PACS1: variants seen among roughly 807,000 people sequenced by gnomAD.
PACS1 encodes PACS-1.
A neutral mutation model predicts 115.0 loss-of-function variants in PACS1; 24 were observed. The observed-to-expected ratio is 0.21, with a 90% CI of 0.15 to 0.29. PACS1 has a LOEUF of 0.29. Ranked by LOEUF, PACS1 falls within the 10% of genes least tolerant of loss-of-function variation. The pLI is 1.00. For synonymous variants in PACS1, 453 were observed against 504.5 expected (o/e 0.90, Z 1.37); for missense variants, 838 against 1,251.2 (o/e 0.67, Z 4.98).
At chr11:66,085,447 G>A (rs370354169) in intron 1 of PACS1, among the ~76,000 whole-genome samples, 19 of 152,182 alleles carry the variant, frequency 1.2e-4, no homozygotes, top group African/African-American at 4.6e-4. Context: ...TTTCCCTCTC[G>A]TTCTGCTCAT....
At chr11:66,210,310 A>C in intron 2 of PACS1, 52 bp from the exon 3 acceptor site, 1 of 1,408,210 alleles carries the variant, frequency 7.1e-7, no homozygotes, top group Non-Finnish European at 1.0e-6. Flanking sequence ...TGCTGGGATT[A>C]CTGGCACAAG....
At chr11:66,227,626 T>C (rs1353397467) in intron 11 of PACS1, 42 bp downstream of exon 11, 1 of 1,286,090 alleles carries the variant, frequency 7.8e-7, no homozygotes, top group Admixed American at 2.1e-5. Flanking sequence ...TTTCAAATAG[T>C]GTTTGTCCCT....
chr11:66,100,153 TACAGGCGTGGGCCACC>T (rs1423298545), intron 1 of PACS1, among the ~76,000 whole-genome samples: 4 of 152,206 alleles, frequency 2.6e-5, no homozygotes, highest in Non-Finnish European at 5.9e-5. Flanking sequence ...GTGCTGGGAT[TACAGGCGTGGGCCACC>T]ACGCCTGCCT....
chr11:66,174,642 G>GT (rs1859811578), intron 1 of PACS1, among the ~76,000 whole-genome samples: 1 of 152,162 alleles, frequency 6.6e-6, no homozygotes, highest in Non-Finnish European at 1.5e-5. Flanking sequence ...AGCCAGACAT[G>GT]TTGTATTGTC....
At chr11:66,100,620 A>G in intron 1 of PACS1, 1 of 344,016 alleles carries the variant, frequency 2.9e-6, no homozygotes, top group South Asian at 2.2e-5. Flanking sequence ...ACTTAAAATA[A>G]GGGAAGAACT....
intron 1 of PACS1, among the ~76,000 whole-genome samples, chr11:66,123,677 G>A (rs1186929465): frequency 6.6e-6 from 1 of 151,550 alleles, no homozygotes; most frequent in African/African-American, 2.4e-5. Flanking sequence ...ACCTGCCACC[G>A]CGCCCGGCTA....
intron 4 of PACS1, among the ~76,000 whole-genome samples, chr11:66,213,320 A>G (rs1160665454): frequency 2.0e-5 from 3 of 152,214 alleles, no homozygotes; most frequent in Admixed American, 2.0e-4. Flanking sequence ...GAGCCCCTTC[A>G]TGCCAGCTTT....
At chr11:66,098,781 T>A (rs146338582) in intron 1 of PACS1, among the ~76,000 whole-genome samples, 45 of 152,334 alleles carry the variant, frequency 3.0e-4, no homozygotes, top group African/African-American at 1.1e-3. Flanking sequence ...CCACAACCGT[T>A]AGATATCCTG....
At chr11:66,188,752 A>G (rs937334076) in intron 1 of PACS1, among the ~76,000 whole-genome samples, 2 of 152,200 alleles carry the variant, frequency 1.3e-5, no homozygotes, top group Non-Finnish European at 1.5e-5. Flanking sequence ...CTTGCCAGAC[A>G]CAGTCAGCAT....
intron 3 of PACS1, 80 bp from the exon 4 acceptor site, chr11:66,211,052 CAG>C: frequency 6.7e-7 from 1 of 1,500,968 alleles, no homozygotes; most frequent in South Asian, 1.2e-5. Context: ...AATTGAAGCA[CAG>C]AAAGACTGTG....
intron 10 of PACS1, 98 bp downstream of exon 10, chr11:66,221,345 C>A: frequency 9.1e-7 from 1 of 1,099,366 alleles, no homozygotes; most frequent in Non-Finnish European, 1.4e-6. Context: ...CATGTTGTGA[C>A]CTTAGAAAAG....
chr11:66,093,164 T>G (rs1451805058), intron 1 of PACS1, among the ~76,000 whole-genome samples: 1 of 152,204 alleles, frequency 6.6e-6, no homozygotes, highest in Non-Finnish European at 1.5e-5. Context: ...AATGTTCTTC[T>G]ATTTGTTTGT....
chr11:66,242,698 G>A, intron 22 of PACS1, among the ~76,000 whole-genome samples: 1 of 152,208 alleles, frequency 6.6e-6, no homozygotes, highest in East Asian at 1.9e-4. Flanking sequence ...GAGCCCCAGG[G>A]GGAGAAGTGG....
chr11:66,123,926 A>G (rs1858509513), intron 1 of PACS1, among the ~76,000 whole-genome samples: 1 of 152,166 alleles, frequency 6.6e-6, no homozygotes, highest in East Asian at 1.9e-4. Flanking sequence ...GCACCGGGAA[A>G]TAAATAATTT....
In PACS1 at chr11:66,156,831, C is replaced by T. The variant is rs930173021; in HGVS notation, c.357-36655C>T. Among the ~76,000 whole-genome samples the T allele has an allele frequency of 8.8e-5, 13 of 148,556 alleles. No homozygotes were observed. The East Asian group carries it at 2.6e-3, about 29-fold the overall frequency. On this transcript the variant is annotated intron_variant, in intron 1 of 23. Transcript: ENST00000320580. The stretch of plus-strand genomic sequence containing the variant: ...TGGCGCCACTGCACTCCAGCCTGGG[C>T]GACAGAGCGAGACTCTGTCTCGAAA...
In PACS1 at chr11:66,230,851, C is replaced by G; in HGVS notation, c.1537C>G (p.Leu513Val). Residue 513 changes from leucine to valine, a missense_variant, in exon 13 of 24, where the codon CTG becomes GTG. Coordinates refer to ENST00000320580, the MANE Select transcript of PACS1 (RefSeq NM_018026.4). ...HTPRQKRSTPLKERQLSKPLS... is the reference protein window; with the variant it reads ...HTPRQKRSTPVKERQLSKPLS... ...ACCCCGGCAGAAGAGGAGCACGCCC[C>G]TGAAGGAGCGGCAGCTCTCCAAGCC... is the stretch of plus-strand genomic sequence containing the variant. 1 of 1,614,224 alleles carries G rather than the reference C, an allele frequency of 6.2e-7. No individual in the cohort carries two copies. Among genetic ancestry groups the G allele is most frequent in the Non-Finnish European group, 8.5e-7 (1 of 1,180,022 alleles).
At chr11:66,117,237 G>A (rs930075605) in intron 1 of PACS1, among the ~76,000 whole-genome samples, 7 of 152,122 alleles carry the variant, frequency 4.6e-5, no homozygotes, top group Non-Finnish European at 8.8e-5. Context: ...TAGGTGGATA[G>A]ATCACTTGAG....
chr11:66,084,830 T>G (rs1458947431), intron 1 of PACS1, among the ~76,000 whole-genome samples: 2 of 152,240 alleles, frequency 1.3e-5, no homozygotes, highest in Non-Finnish European at 2.9e-5. Flanking sequence ...TTTTTTTTGT[T>G]TCCACTTTTA....
intron 1 of PACS1, among the ~76,000 whole-genome samples, chr11:66,095,412 CAGAG>C (rs774293280): frequency 1.1e-4 from 16 of 152,156 alleles, no homozygotes; most frequent in Non-Finnish European, 1.9e-4. Flanking sequence ...AACAGACAAA[CAGAG>C]AGCCAAATCA....
Sources: allele counts gnomAD v4.1 joint callset (sites outside exome capture counted in the v4.1 genomes callset), GRCh38; gene constraint gnomAD v4.1.1; transcripts MANE v1.5; gene names NCBI Gene and HGNC (gene_info 2026-07-23, HGNC 2026-07-21).